CEACAM8: variants seen among roughly 807,000 people sequenced by gnomAD.
CEACAM8 encodes cell adhesion molecule CEACAM8.
Under a neutral mutation model 33.4 loss-of-function variants are expected in CEACAM8, and 31 were observed. That is an observed-to-expected ratio of 0.93 (90% CI 0.70 to 1.25). The LOEUF (loss-of-function observed/expected upper bound fraction) is 1.25. Among genes scored for constraint, CEACAM8 ranks in the 50% most tolerant of loss-of-function variants. The pLI is 0.00. For missense variants in CEACAM8, 388 were observed against 434.6 expected, an observed-to-expected ratio of 0.89 and a Z score of 0.95; for synonymous variants, 138 against 164.5, an observed-to-expected ratio of 0.84 and a Z score of 1.23.
intron 4 of CEACAM8, among the ~76,000 whole-genome samples, chr19:42,586,647 G>A (rs916569533): frequency 1.3e-5 from 2 of 151,814 alleles, no homozygotes; most frequent in Non-Finnish European, 2.9e-5. Context: ...GAAAACACAG[G>A]GAAAAAAACT....
Position 42,589,735 on chromosome 19 carries a change from G to A in CEACAM8, c.425C>T (p.Pro142Leu), listed in dbSNP as rs142428970. The change falls in exon 3 of 6, where the codon CCG becomes CTG. Residue 142 changes from proline (P) to leucine (L), a missense_variant and splice_region_variant. Physicochemically the swap from Pro to Leu is moderately conservative, Grantham distance 98. Transcript: ENST00000244336. ...GGAGATGGAGGGCTTGGGAGTCTCC[G>A]CTGTGCAGAAAACAGAGAGAAGATT... is the stretch of plus-strand genomic sequence containing the variant. ...EEVTGQFSVH[P>L]ETPKPSISSN... The A allele has an allele frequency of 2.8e-4, 447 of 1,614,160 alleles. No homozygotes were observed. The highest frequency in any genetic ancestry group is 3.5e-4 in the Non-Finnish European group (415 of 1,180,036).
chr19:42,580,395 T>C lies in CEACAM8; in HGVS notation c.*999A>G, dbSNP rs2042245940. On this transcript the variant is annotated 3_prime_UTR_variant, in exon 6 of 6. Transcript: ENST00000244336. Reference sequence around the variant, plus strand: ...AGTTGTGTTAAAGATGCTGTTACTGTCAGCCATTGGGTGGACTAAAGGATC... The same window carrying C: ...AGTTGTGTTAAAGATGCTGTTACTGCCAGCCATTGGGTGGACTAAAGGATC... 1 of 152,238 alleles carries C rather than the reference T, an allele frequency of 6.6e-6. No individual in the cohort carries two copies. Among genetic ancestry groups the C allele is most frequent in the Non-Finnish European group, 1.5e-5 (1 of 68,040 alleles). 9.4% of individuals were successfully genotyped at this position (152,238 alleles called of 1,614,324 possible).
intron 3 of CEACAM8, 97 bp downstream of exon 3, chr19:42,589,360 C>T (rs1229764950): frequency 6.4e-7 from 1 of 1,573,250 alleles, no homozygotes; most frequent in Non-Finnish European, 8.7e-7. Flanking sequence ...GGTGGGGAAT[C>T]TGCATTTTTG....
Position 42,581,098 on chromosome 19 carries a change from AT to A in CEACAM8, c.*295del, listed in dbSNP as rs1392144436. On this transcript the variant is annotated 3_prime_UTR_variant, in exon 6 of 6. Coordinates refer to ENST00000244336, the MANE Select transcript of CEACAM8 (RefSeq NM_001816.4). ...CCATCTCAAAAAAAAAAAAAAAAAA[AT>A]CTTAAAAACATTATCCTCATTATTA... 20 of 151,124 alleles carry A rather than the reference AT, an allele frequency of 1.3e-4. No homozygotes were observed. Among genetic ancestry groups the A allele is most frequent in the Non-Finnish European group, 2.4e-4 (16 of 67,856 alleles). The allele number at this position is 151,124 out of a possible 1,614,324, so 9.4% of individuals were successfully genotyped here.
At chr19:42,588,705 C>CT in intron 4 of CEACAM8, 79 bp downstream of exon 4, 12 of 1,549,144 alleles carry the variant, frequency 7.7e-6, no homozygotes, top group Non-Finnish European at 1.1e-5. Context: ...GGGAATAAAA[C>CT]TTTTTTTCTG....
In CEACAM8 at chr19:42,580,337, C is replaced by T. The variant is rs1189544102; in HGVS notation, c.*1057G>A. The stretch of plus-strand genomic sequence containing the variant: ...AGAACAAGTGAGTCTAGGAGTCTGA[C>T]TCTAAAAGAGACCATAGTACATTTG... On this transcript the variant is annotated 3_prime_UTR_variant, in exon 6 of 6. Transcript: ENST00000244336. 1 of 152,176 alleles carries T rather than the reference C, an allele frequency of 6.6e-6. No individual in the cohort carries two copies. 9.4% of individuals were successfully genotyped at this position (152,176 alleles called of 1,614,324 possible). A position where few individuals can be genotyped will look rare whatever the true frequency, so the allele number is the denominator to read the frequency against.
intron 1 of CEACAM8, among the ~76,000 whole-genome samples, 176 bp from the exon 2 acceptor site, chr19:42,594,076 C>T (rs564707016): frequency 6.6e-6 from 1 of 152,242 alleles, no homozygotes; most frequent in South Asian, 2.1e-4. Context: ...TTGGCATTTC[C>T]CTGGTGGAAT....
intron 4 of CEACAM8, among the ~76,000 whole-genome samples, chr19:42,584,740 T>G (rs575510225): frequency 6.6e-6 from 1 of 152,258 alleles, no homozygotes; most frequent in South Asian, 2.1e-4. Context: ...AGTCTTACAT[T>G]AAAAAAGAAG....
intron 4 of CEACAM8, among the ~76,000 whole-genome samples, chr19:42,585,037 T>G (rs1020902115): frequency 6.6e-6 from 1 of 152,186 alleles, no homozygotes; most frequent in African/African-American, 2.4e-5. Flanking sequence ...GCTTACACCT[T>G]CAATCCCAGC....
intron 1 of CEACAM8, 76 bp from the exon 2 acceptor site, chr19:42,593,976 A>T: frequency 6.8e-7 from 1 of 1,474,974 alleles, no homozygotes; most frequent in South Asian, 1.3e-5. Flanking sequence ...TCAGCTTTGG[A>T]GTTTGTGTGT....
chr19:42,592,518 G>A (rs1325189426), intron 2 of CEACAM8, among the ~76,000 whole-genome samples: 1 of 144,738 alleles, frequency 6.9e-6, no homozygotes, highest in Non-Finnish European at 1.5e-5. Flanking sequence ...CAGGAGAATC[G>A]CTTGAACCCG....
chr19:42,584,065 G>A (rs2042295697), intron 4 of CEACAM8, among the ~76,000 whole-genome samples: 1 of 152,080 alleles, frequency 6.6e-6, no homozygotes, highest in African/African-American at 2.4e-5. Context: ...ATCTCAGTGG[G>A]TTAAAAACTA....
chr19:42,583,427 C>G, intron 4 of CEACAM8, 90 bp from the exon 5 acceptor site: 1 of 803,148 alleles, frequency 1.2e-6, no homozygotes, highest in Non-Finnish European at 2.1e-6. Context: ...ATGAAGTAGT[C>G]TCTACTTGTT....
chr19:42,588,353 C>T (rs10405410), intron 4 of CEACAM8, among the ~76,000 whole-genome samples: 13,342 of 152,208 alleles, frequency 0.088, 1,962 homozygotes, highest in African/African-American at 0.3. Context: ...GCTCCTCCTC[C>T]CATTTGGGGA....
chr19:42,594,734 C>G (rs1188204964), intron 1 of CEACAM8, 31 bp downstream of exon 1: 2 of 1,574,948 alleles, frequency 1.3e-6, no homozygotes, highest in Non-Finnish European at 1.7e-6. Context: ...GTTTCCTCCT[C>G]CTGTCCTTTC....
chr19:42,581,662 C>T (rs1441577001), intron 5 of CEACAM8, among the ~76,000 whole-genome samples: 9 of 151,370 alleles, frequency 5.9e-5, no homozygotes, highest in Non-Finnish European at 1.3e-4. Flanking sequence ...GAGGCCGAGG[C>T]GGGTGGATCA....
At chr19:42,585,936 T>C (rs1221541306) in intron 4 of CEACAM8, among the ~76,000 whole-genome samples, 3 of 152,166 alleles carry the variant, frequency 2.0e-5, no homozygotes, top group African/African-American at 4.8e-5. Context: ...TGCATTTCTA[T>C]ACACTAACAA....
chr19:42,594,882 A>G lies in CEACAM8; in HGVS notation c.-54T>C, dbSNP rs2042518567. On this transcript the variant is annotated 5_prime_UTR_variant, in exon 1 of 6. Coordinates refer to ENST00000244336, the MANE Select transcript of CEACAM8 (RefSeq NM_001816.4). ...GTGGAGATGAGCCTGGGATCCAGAA[A>G]CTTTCTGAGCACGGCTGTCAGCTGT... The G allele has an allele frequency of 6.4e-7, 1 of 1,565,144 alleles. No individual in the cohort carries two copies. The highest frequency in any genetic ancestry group is 8.7e-7 in the Non-Finnish European group (1 of 1,150,870).
intron 2 of CEACAM8, 99 bp from the exon 3 acceptor site, chr19:42,589,834 C>A (rs2042403663): frequency 1.3e-6 from 2 of 1,586,606 alleles, no homozygotes; most frequent in South Asian, 2.3e-5. Flanking sequence ...TCTCAGCCTA[C>A]TCGAGTCCTT....
Sources: allele counts gnomAD v4.1 joint callset (sites outside exome capture counted in the v4.1 genomes callset), GRCh38; gene constraint gnomAD v4.1.1; transcripts MANE v1.5; gene names NCBI Gene and HGNC (gene_info 2026-07-23, HGNC 2026-07-21).